NPTN: variants seen among roughly 807,000 people sequenced by gnomAD.
NPTN encodes SDR-1.
NPTN carries 5 observed loss-of-function variants against 42.7 expected under a neutral mutation model. That is an observed-to-expected ratio of 0.12 (90% CI 0.06 to 0.25). The LOEUF (loss-of-function observed/expected upper bound fraction) is 0.25, where lower values mean the gene tolerates loss of function less well. Among genes scored for constraint, NPTN ranks in the 10% least tolerant of loss-of-function variants. NPTN has a pLI of 1.00. For missense variants in NPTN, 307 were observed against 525.4 expected, an observed-to-expected ratio of 0.58 and a Z score of 4.06; for synonymous variants, 180 against 201.9, an observed-to-expected ratio of 0.89 and a Z score of 0.92.
intron 6 of NPTN, among the ~76,000 whole-genome samples, chr15:73,566,238 T>TG (rs1894993661): frequency 6.6e-6 from 1 of 152,176 alleles, no homozygotes; most frequent in African/African-American, 2.4e-5. Context: ...ATATCCCTAG[T>TG]CTGTATAAAG....
chr15:73,563,533 A>G (rs1479365450), intron 6 of NPTN: 7 of 1,262,178 alleles, frequency 5.5e-6, no homozygotes, highest in Non-Finnish European at 7.0e-6. Context: ...GCGGACAGAT[A>G]GGCTGCAACA....
chr15:73,589,318 T>C (rs1397719957), intron 3 of NPTN, among the ~76,000 whole-genome samples: 1 of 151,046 alleles, frequency 6.6e-6, no homozygotes, highest in East Asian at 1.9e-4. Flanking sequence ...GGTGACAGAG[T>C]AAGACCCTGT....
chr15:73,595,360 T>C (rs1896786976), intron 2 of NPTN, among the ~76,000 whole-genome samples: 1 of 152,188 alleles, frequency 6.6e-6, no homozygotes, highest in South Asian at 2.1e-4. Flanking sequence ...AAAAAATCAC[T>C]GGGTTAATGT....
chr15:73,614,245 C>T (rs997556017), intron 1 of NPTN, among the ~76,000 whole-genome samples: 13 of 151,658 alleles, frequency 8.6e-5, no homozygotes, highest in African/African-American at 2.2e-4. Flanking sequence ...ATTTGAGCCT[C>T]GGAGGTGGAG....
intron 1 of NPTN, among the ~76,000 whole-genome samples, chr15:73,606,013 G>A (rs900208897): frequency 1.3e-5 from 2 of 152,040 alleles, no homozygotes; most frequent in East Asian, 3.9e-4. Context: ...AGTGAGCCAG[G>A]ATCACACCAC....
chr15:73,595,280 T>C (rs1896781820), intron 2 of NPTN, among the ~76,000 whole-genome samples: 1 of 152,146 alleles, frequency 6.6e-6, no homozygotes, highest in South Asian at 2.1e-4. Flanking sequence ...ATGTAGGTAA[T>C]TCTGCTTTTA....
chr15:73,633,266 C>T lies in NPTN; in HGVS notation c.-51G>A. ...GAATGGGCCGGGGCCAGAGCCGGGGCCGGGGAAGGGAGGGGAGGGAGGGAG... is the reference window on the plus strand; with the variant it reads ...GAATGGGCCGGGGCCAGAGCCGGGGTCGGGGAAGGGAGGGGAGGGAGGGAG... On this transcript the variant is annotated 5_prime_UTR_variant, in exon 1 of 9. Transcript: ENST00000345330. The T allele has an allele frequency of 1.2e-6, 1 of 835,532 alleles. No homozygotes were observed. The highest frequency in any genetic ancestry group is 1.8e-5 in the South Asian group (1 of 56,224). The allele number at this position is 835,532 out of a possible 1,614,324, so 51.8% of individuals were successfully genotyped here. A position where few individuals can be genotyped will look rare whatever the true frequency, so the allele number is the denominator to read the frequency against.
chr15:73,563,292 A>C (rs1566954952), intron 6 of NPTN, 35 bp from the exon 7 acceptor site: 5 of 1,611,924 alleles, frequency 3.1e-6, no homozygotes, highest in Non-Finnish European at 3.4e-6. Flanking sequence ...AATCCATGAG[A>C]GATAAGAGAA....
Position 73,570,001 on chromosome 15 carries a change from C to T in NPTN, c.1114+149G>A, listed in dbSNP as rs751739878. 5 of 709,208 alleles carry T rather than the reference C, an allele frequency of 7.1e-6. No individual in the cohort carries two copies. The highest frequency in any genetic ancestry group is 1.8e-5 in the African/African-American group (1 of 54,404). The allele number at this position is 709,208 out of a possible 1,614,324, so 43.9% of individuals were successfully genotyped here. A position where few individuals can be genotyped will look rare whatever the true frequency, so the allele number is the denominator to read the frequency against. ...AAAAAATAAAAATAAAAAACTCTTACGGGTAGGGGGTTAGGAACTGGTATA... is the reference window on the plus strand; with the variant it reads ...AAAAAATAAAAATAAAAAACTCTTATGGGTAGGGGGTTAGGAACTGGTATA... On this transcript the variant is annotated intron_variant, in intron 6 of 8. Transcript: ENST00000345330. The surrounding 1 kb of genome is among the most constrained non-coding windows in gnomAD (Gnocchi z 4.0).
chr15:73,603,801 T>C (rs1897171714), intron 1 of NPTN, among the ~76,000 whole-genome samples: 2 of 152,342 alleles, frequency 1.3e-5, no homozygotes, highest in Admixed American at 1.3e-4. Flanking sequence ...AGTTATGGAA[T>C]CTGAGATCAT....
intron 1 of NPTN, among the ~76,000 whole-genome samples, chr15:73,631,199 T>G (rs1311234320): frequency 6.6e-6 from 1 of 152,176 alleles, no homozygotes; most frequent in East Asian, 1.9e-4. Flanking sequence ...AGATCAAGAA[T>G]CTCTCACCTA....
intron 6 of NPTN, chr15:73,567,993 A>T (rs1170815371): frequency 1.0e-6 from 1 of 985,264 alleles, no homozygotes; most frequent in Non-Finnish European, 1.2e-6. Context: ...TGTCTATAAT[A>T]ACTTAGTTTA....
chr15:73,591,756 C>T, intron 3 of NPTN: 2 of 446,600 alleles, frequency 4.5e-6, no homozygotes, highest in Non-Finnish European at 8.1e-6. Flanking sequence ...AGGGGATCAT[C>T]TATGATTCTC....
chr15:73,614,877 C>T (rs1392152105), intron 1 of NPTN, among the ~76,000 whole-genome samples: 1 of 152,068 alleles, frequency 6.6e-6, no homozygotes, highest in Non-Finnish European at 1.5e-5. Flanking sequence ...TTCTAAAAGA[C>T]TAGACTTTGT....
chr15:73,630,717 C>A (rs575666414), intron 1 of NPTN, among the ~76,000 whole-genome samples: 11 of 152,310 alleles, frequency 7.2e-5, no homozygotes, highest in South Asian at 6.2e-4. Flanking sequence ...AATAGAAAAT[C>A]TAACATTTCT....
chr15:73,618,127 A>C (rs1897952527), intron 1 of NPTN, among the ~76,000 whole-genome samples: 1 of 152,350 alleles, frequency 6.6e-6, no homozygotes, highest in Non-Finnish European at 1.5e-5. Flanking sequence ...AATATTCATT[A>C]CTAGCCGCCT....
chr15:73,629,100 T>G (rs1291118570), intron 1 of NPTN, among the ~76,000 whole-genome samples: 3 of 152,180 alleles, frequency 2.0e-5, no homozygotes, highest in Non-Finnish European at 2.9e-5. Flanking sequence ...CCAGTAACCT[T>G]GTAAAACAAA....
rs373725665 is a variant in NPTN, at chr15:73,614,304, A to T, written c.92-16935T>A. Among the ~76,000 whole-genome samples, 16 of 147,246 alleles carry T rather than the reference A, an allele frequency of 1.1e-4. No homozygotes were observed. The South Asian group carries it at 3.1e-3, about 28-fold the overall frequency. On this transcript the variant is annotated intron_variant, in intron 1 of 8. Coordinates refer to ENST00000345330, the MANE Select transcript of NPTN (RefSeq NM_012428.4). ...CACTGCACTTCAGCCTAGGCAACAG[A>T]AGTAGACCCTGTCTTAAAAAAAAAA...
intron 1 of NPTN, among the ~76,000 whole-genome samples, chr15:73,615,156 CTTT>C (rs548267204): frequency 1.5e-5 from 2 of 135,712 alleles, no homozygotes; most frequent in East Asian, 2.1e-4. Context: ...GCTTAACAAT[CTTT>C]TTTTTTTTTT....
Sources: gnomAD v4.1 joint callset for allele counts (sites outside exome capture counted in the v4.1 genomes callset) on GRCh38, gnomAD v4.1.1 for gene constraint, Gnocchi (gnomAD v3.1) non-coding constraint, MANE v1.5 for transcripts, NCBI Gene and HGNC (gene_info 2026-07-23, HGNC 2026-07-21) for gene names.